AHCYL2: variants seen among roughly 807,000 people sequenced by gnomAD.
AHCYL2 encodes the protein S-adenosylhomocysteine hydrolase-like protein 2.
In AHCYL2, 28 loss-of-function variants were observed where a neutral mutation model predicts 81.4. That is an observed-to-expected ratio of 0.34 (90% CI 0.25 to 0.47). AHCYL2 has a LOEUF of 0.47. Ranked by LOEUF, AHCYL2 falls within the 20% of genes least tolerant of loss-of-function variation. AHCYL2 has a pLI of 1.00. For missense variants in AHCYL2, 551 were observed against 785.1 expected (o/e 0.70, Z 3.56); for synonymous variants, 272 against 290.2 (o/e 0.94, Z 0.64).
intron 1 of AHCYL2, among the ~76,000 whole-genome samples, chr7:129,281,332 TG>T (rs752321841): frequency 2.6e-5 from 4 of 152,218 alleles, no homozygotes; most frequent in Non-Finnish European, 2.9e-5. Flanking sequence ...TTTAGGTCTT[TG>T]CAAGGCTTTG....
chr7:129,286,043 C>G lies in AHCYL2; in HGVS notation c.363+60604C>G, dbSNP rs551887436. Among the ~76,000 whole-genome samples the G allele has an allele frequency of 3.3e-5, 5 of 152,158 alleles. No individual in the cohort carries two copies. In the South Asian group the frequency reaches 1.0e-3, roughly 32 times the overall value. ...CTCTATTTAAACCAGGGCCACCTTC[C>G]TACCCCCAACCTCCACCAAAAAGAA... On this transcript the variant is annotated intron_variant, in intron 1 of 16. Transcript: ENST00000325006.
At chr7:129,313,348 T>C (rs987389390) in intron 1 of AHCYL2, among the ~76,000 whole-genome samples, 6 of 152,166 alleles carry the variant, frequency 3.9e-5, no homozygotes, top group Non-Finnish European at 8.8e-5. Context: ...AAGTTTGAAA[T>C]GTTAGAAGCA....
chr7:129,231,893 A>C (rs1205379380), intron 1 of AHCYL2, among the ~76,000 whole-genome samples: 1 of 149,260 alleles, frequency 6.7e-6, no homozygotes, highest in Admixed American at 6.7e-5. Context: ...TCAGTTAGCT[A>C]TTTCCCTCTT....
intron 1 of AHCYL2, among the ~76,000 whole-genome samples, chr7:129,330,438 G>A (rs933980235): frequency 6.6e-6 from 1 of 151,524 alleles, no homozygotes; most frequent in Non-Finnish European, 1.5e-5. Flanking sequence ...TATATATTTG[G>A]ACATGGAAAG....
intron 1 of AHCYL2, among the ~76,000 whole-genome samples, chr7:129,348,826 A>G (rs1470429373): frequency 1.3e-5 from 2 of 152,168 alleles, no homozygotes. Context: ...GAAATTGCAA[A>G]TTTTGTATAA....
chr7:129,321,869 A>T (rs1368615852), intron 1 of AHCYL2, among the ~76,000 whole-genome samples: 3 of 144,516 alleles, frequency 2.1e-5, no homozygotes, highest in Non-Finnish European at 3.0e-5. Context: ...TCCACCTCCC[A>T]GGTTCAAGCG....
At chr7:129,370,667 C>T (rs2150861728) in intron 1 of AHCYL2, among the ~76,000 whole-genome samples, 1 of 152,312 alleles carries the variant, frequency 6.6e-6, no homozygotes, top group Non-Finnish European at 1.5e-5. Flanking sequence ...CACTGCACTC[C>T]AGCCTGGGCG....
intron 1 of AHCYL2, among the ~76,000 whole-genome samples, chr7:129,352,846 AAATCCTTTAAT>A (rs766269616): frequency 3.9e-5 from 6 of 152,132 alleles, no homozygotes; most frequent in African/African-American, 7.2e-5. Flanking sequence ...CCATTGCTTA[AAATCCTTTAAT>A]AATGCCCATT....
At chr7:129,404,695 T>C (rs763666546) in intron 7 of AHCYL2, among the ~76,000 whole-genome samples, 4 of 151,248 alleles carry the variant, frequency 2.6e-5, no homozygotes, top group Non-Finnish European at 5.9e-5. Flanking sequence ...AAACAAACAA[T>C]AAAAGCACAA....
chr7:129,373,557 G>A (rs369313265), intron 1 of AHCYL2, among the ~76,000 whole-genome samples: 2 of 151,578 alleles, frequency 1.3e-5, no homozygotes, highest in African/African-American at 2.4e-5. Flanking sequence ...CCGAGATCGC[G>A]CCACTGCACT....
chr7:129,388,955 A>G (rs557195350), intron 2 of AHCYL2, 101 bp from the exon 3 acceptor site: 13 of 1,404,696 alleles, frequency 9.3e-6, no homozygotes, highest in African/African-American at 2.9e-5. Flanking sequence ...AAAAATTTAT[A>G]TGGTGCTAGG....
intron 1 of AHCYL2, among the ~76,000 whole-genome samples, chr7:129,252,771 T>G (rs538934153): frequency 1.3e-5 from 2 of 150,994 alleles, no homozygotes; most frequent in South Asian, 4.2e-4. Flanking sequence ...TGTCTCTGAT[T>G]GATTGATAGC....
chr7:129,260,649 A>G (rs566881156), intron 1 of AHCYL2, among the ~76,000 whole-genome samples: 56 of 151,970 alleles, frequency 3.7e-4, no homozygotes, highest in African/African-American at 1.2e-3. Flanking sequence ...ACCTGTTTCA[A>G]TTTTCTTCCT....
intron 1 of AHCYL2, among the ~76,000 whole-genome samples, chr7:129,360,021 GTTCTCT>G (rs908197584): frequency 4.6e-4 from 70 of 151,678 alleles, no homozygotes; most frequent in African/African-American, 1.5e-3. Flanking sequence ...CTCATACCCT[GTTCTCT>G]TTTCCTTCCT....
chr7:129,345,678 G>C (rs138422100), intron 1 of AHCYL2, among the ~76,000 whole-genome samples: 2 of 152,232 alleles, frequency 1.3e-5, no homozygotes, highest in African/African-American at 4.8e-5. Flanking sequence ...GGCTAGAAAA[G>C]AAGGAAAATG....
At chr7:129,313,081 C>G (rs1037739841) in intron 1 of AHCYL2, among the ~76,000 whole-genome samples, 8 of 152,078 alleles carry the variant, frequency 5.3e-5, no homozygotes, top group Admixed American at 5.2e-4. Context: ...CTAAGCTGTA[C>G]AAGGGCAGGG....
At chr7:129,336,829 C>T (rs761991202) in intron 1 of AHCYL2, among the ~76,000 whole-genome samples, 5 of 152,136 alleles carry the variant, frequency 3.3e-5, no homozygotes, top group South Asian at 2.1e-4. Context: ...TCACTGTAGC[C>T]GCAATCCCCT....
intron 1 of AHCYL2, among the ~76,000 whole-genome samples, chr7:129,295,184 A>G (rs1361641072): frequency 1.3e-5 from 2 of 152,216 alleles, no homozygotes; most frequent in South Asian, 2.1e-4. Context: ...TGATTAGGCA[A>G]GCTGGTTTCA....
At chr7:129,291,514 C>CTTT (rs34719441) in intron 1 of AHCYL2, among the ~76,000 whole-genome samples, 3 of 133,206 alleles carry the variant, frequency 2.3e-5, no homozygotes, top group Non-Finnish European at 3.2e-5. Flanking sequence ...TACCCGAGAC[C>CTTT]TTTTTTTTTT....
Sources: gnomAD v4.1 joint callset for allele counts (sites outside exome capture counted in the v4.1 genomes callset) on GRCh38, gnomAD v4.1.1 for gene constraint, MANE v1.5 for transcripts, NCBI Gene and HGNC (gene_info 2026-07-23, HGNC 2026-07-21) for gene names.